TMCO5A: variants seen among roughly 807,000 people sequenced by gnomAD.
TMCO5A encodes the protein transmembrane and coiled-coil domain-containing protein 5A.
A neutral mutation model predicts 42.3 loss-of-function variants in TMCO5A; 34 were observed. The observed-to-expected ratio is 0.80, with a 90% CI of 0.61 to 1.07. The LOEUF (loss-of-function observed/expected upper bound fraction) is 1.07. Among genes scored for constraint, TMCO5A ranks in the 50% least tolerant of loss-of-function variants. TMCO5A has a pLI of 0.00. For missense variants in TMCO5A, 357 were observed against 327.9 expected (o/e 1.09, Z -0.69); for synonymous variants, 131 against 115.6 (o/e 1.13, Z -0.86).
chr15:38,019,326 A>C, the TMCO5A span, among the ~76,000 whole-genome samples: 6 of 152,226 alleles, frequency 3.9e-5, no homozygotes, highest in African/African-American at 1.4e-4. Flanking sequence ...TTTCAATCTC[A>C]AGTAACAAGG....
the TMCO5A span, among the ~76,000 whole-genome samples, chr15:37,979,870 G>A: frequency 1.6e-4 from 24 of 152,316 alleles, no homozygotes; most frequent in South Asian, 4.8e-3. Context: ...CCTGCCCACT[G>A]AGGGTAAGTG....
chr15:37,974,646 C>A, the TMCO5A span, among the ~76,000 whole-genome samples: 1 of 151,178 alleles, frequency 6.6e-6, no homozygotes, highest in East Asian at 1.9e-4. Context: ...CTCTTTTTTT[C>A]TTTATTTGTC....
chr15:37,987,841 C>T, the TMCO5A span, among the ~76,000 whole-genome samples: 8,289 of 151,718 alleles, frequency 0.055, 291 homozygotes, highest in East Asian at 0.11. Context: ...AGCTATTTAT[C>T]GTCTCTTAAG....
rs1044723676 is a variant in TMCO5A at position 37,960,093 on chromosome 15, T to A, written c.669-6532T>A. On this transcript the variant is annotated intron_variant, in intron 11 of 11. Coordinates refer to the TMCO5A transcript ENST00000559502. ...TCTTTAGTGGTGATTTGTGAGATTC[T>A]GGTGCACCCATCACCCCAGCAGTAT... is the stretch of plus-strand genomic sequence containing the variant. Among the ~76,000 whole-genome samples the A allele has an allele frequency of 2.0e-5, 3 of 152,010 alleles. No individual in the cohort carries two copies. The Admixed American group carries it at 2.0e-4, about 10-fold the overall frequency.
At chr15:37,998,448 A>G in the TMCO5A span, among the ~76,000 whole-genome samples, 1 of 152,190 alleles carries the variant, frequency 6.6e-6, no homozygotes, top group African/African-American at 2.4e-5. Flanking sequence ...ACCGTTTATG[A>G]AAAGACTGTC....
chr15:38,010,140 G>A, the TMCO5A span, among the ~76,000 whole-genome samples: 3 of 151,946 alleles, frequency 2.0e-5, no homozygotes, highest in South Asian at 4.2e-4. Context: ...CTGGGAGGCC[G>A]AGGCGGGCGG....
downstream of TMCO5A, among the ~76,000 whole-genome samples, chr15:37,968,582 CTTTTTTT>C (rs61091144): frequency 1.5e-4 from 20 of 131,138 alleles, no homozygotes; most frequent in Admixed American, 1.1e-3. Context: ...TTCTACATTT[CTTTTTTT>C]TTTTTTTTTT....
chr15:37,960,281 A>C (rs1890390621), intron 11 of TMCO5A, among the ~76,000 whole-genome samples: 1 of 151,926 alleles, frequency 6.6e-6, no homozygotes, highest in Non-Finnish European at 1.5e-5. Flanking sequence ...ATAACATATG[A>C]TGTTTGGTTT....
At chr15:38,028,263 T>C in the TMCO5A span, among the ~76,000 whole-genome samples, 1 of 152,194 alleles carries the variant, frequency 6.6e-6, no homozygotes, top group African/African-American at 2.4e-5. Flanking sequence ...GTAAAATATA[T>C]TTGAGATTGG....
chr15:37,974,546 G>T, the TMCO5A span, among the ~76,000 whole-genome samples: 1 of 152,138 alleles, frequency 6.6e-6, no homozygotes, highest in Admixed American at 6.5e-5. Flanking sequence ...TGTGCTTAAA[G>T]GTATTAGTAG....
intron 6 of TMCO5A, among the ~76,000 whole-genome samples, chr15:37,939,784 G>C (rs956784843): frequency 6.6e-6 from 1 of 151,964 alleles, no homozygotes; most frequent in Non-Finnish European, 1.5e-5. Flanking sequence ...GCTTAATGGG[G>C]TGCCTAATTC....
intron 11 of TMCO5A, among the ~76,000 whole-genome samples, chr15:37,960,142 T>A (rs1215162169): frequency 6.6e-6 from 1 of 151,690 alleles, no homozygotes; most frequent in Non-Finnish European, 1.5e-5. Context: ...TTTGCAGTCT[T>A]TTTTAAAATA....
chr15:37,965,859 A>C (rs1890542650), intron 11 of TMCO5A, among the ~76,000 whole-genome samples: 1 of 152,142 alleles, frequency 6.6e-6, no homozygotes, highest in African/African-American at 2.4e-5. Context: ...TTCCTCAAAA[A>C]ACTAAAAATA....
intron 7 of TMCO5A, 111 bp downstream of exon 7, chr15:37,941,316 C>A: frequency 9.2e-7 from 1 of 1,091,614 alleles, no homozygotes. Context: ...AGATCCAAGA[C>A]CATGATGGGG....
chr15:37,966,598 C>T, intron 11 of TMCO5A: 1 of 702,900 alleles, frequency 1.4e-6, no homozygotes, highest in Non-Finnish European at 2.6e-6. Context: ...TGTCTTGGGA[C>T]ATCATTTCTT....
chr15:37,962,354 A>G (rs1890451265), intron 11 of TMCO5A, among the ~76,000 whole-genome samples: 1 of 152,092 alleles, frequency 6.6e-6, no homozygotes, highest in South Asian at 2.1e-4. Flanking sequence ...TGACTTGTGT[A>G]TATTAAACCA....
chr15:37,970,062 T>C (rs1403617152), downstream of TMCO5A, among the ~76,000 whole-genome samples: 1 of 152,182 alleles, frequency 6.6e-6, no homozygotes, highest in Non-Finnish European at 1.5e-5. Flanking sequence ...CTGGGTTGAA[T>C]GGTTAATTCT....
Position 37,941,201 on chromosome 15 carries a change from T to C in TMCO5A, c.440T>C (p.Leu147Pro), listed in dbSNP as rs758468315. 1.9e-6 allele frequency: 3 copies of C among 1,613,112 alleles called. No homozygotes were observed. The highest frequency in any genetic ancestry group is 2.5e-6 in the Non-Finnish European group (3 of 1,179,514). The change falls in exon 7 of 12, where the codon CTC (leucine) becomes CCC (proline). Residue 147 changes from leucine (L) to proline (P), a missense_variant. Coordinates refer to ENST00000319669, the MANE Select transcript of TMCO5A (RefSeq NM_152453.4). ...TATGCATGCCAAGAGAAGGAGCTGC[T>C]CAAGGTAACAGCAGGAACTTCAATG... The part of the protein sequence containing the change: ...ASYACQEKEL[L>P]KVMKEYAFVT...
chr15:38,002,540 C>CT, the TMCO5A span, among the ~76,000 whole-genome samples: 57 of 150,618 alleles, frequency 3.8e-4, no homozygotes, highest in Non-Finnish European at 6.8e-4. Flanking sequence ...CTTTTTTATT[C>CT]TTTTTTTTCT....
Sources: allele counts gnomAD v4.1 joint callset (sites outside exome capture counted in the v4.1 genomes callset), GRCh38; gene constraint gnomAD v4.1.1; transcripts MANE v1.5; gene names NCBI Gene and HGNC (gene_info 2026-07-23, HGNC 2026-07-21).